Variants in FER observed in about 807,000 individuals in gnomAD.
FER encodes tyrosine-protein kinase Fer.
Under a neutral mutation model 111.0 loss-of-function variants are expected in FER, and 63 were observed. The observed-to-expected ratio is 0.57, with a 90% confidence interval of 0.46 to 0.70. The LOEUF (loss-of-function observed/expected upper bound fraction) is 0.70. Ranked by LOEUF, FER falls within the 30% of genes least tolerant of loss-of-function variation. The pLI is 0.00. For missense variants in FER, 914 were observed against 954.0 expected (o/e 0.96, Z 0.55); for synonymous variants, 327 against 313.9 (o/e 1.04, Z -0.44).
chr5:109,028,225 C>T (rs1302624902), intron 13 of FER, among the ~76,000 whole-genome samples: 1 of 151,910 alleles, frequency 6.6e-6, no homozygotes, highest in East Asian at 1.9e-4. Context: ...CATTTTTTGG[C>T]ACAAAAACTG....
At chr5:109,104,718 C>T (rs1402385031) in intron 17 of FER, among the ~76,000 whole-genome samples, 1 of 152,110 alleles carries the variant, frequency 6.6e-6, no homozygotes, top group East Asian at 1.9e-4. Flanking sequence ...TGTATAATCT[C>T]ATGAAAATGT....
At chr5:109,063,311 A>C (rs1241864131) in intron 16 of FER, among the ~76,000 whole-genome samples, 1 of 152,192 alleles carries the variant, frequency 6.6e-6, no homozygotes, top group African/African-American at 2.4e-5. Context: ...TTTAACAGTC[A>C]GTTTCAGTTA....
chr5:108,954,634 C>A, intron 11 of FER, 95 bp from the exon 12 acceptor site: 1 of 929,378 alleles, frequency 1.1e-6, no homozygotes. Context: ...AAGGGAGGAA[C>A]ATTTGTAAGA....
At chr5:108,993,646 C>A (rs537796253) in intron 13 of FER, among the ~76,000 whole-genome samples, 19 of 129,654 alleles carry the variant, frequency 1.5e-4, no homozygotes, top group South Asian at 5.6e-4. Context: ...AGGGCGAGGG[C>A]GAGGGCGAGG....
At chr5:108,794,526 A>ACCCCCCCCC (rs138716410) in intron 2 of FER, among the ~76,000 whole-genome samples, 70 of 106,358 alleles carry the variant, frequency 6.6e-4, no homozygotes, top group African/African-American at 7.5e-4. Flanking sequence ...CCCCCTCCGC[A>ACCCCCCCCC]CCCCCCCCCC....
At chr5:108,835,316 G>C (rs1001892559) in intron 4 of FER, among the ~76,000 whole-genome samples, 3 of 150,974 alleles carry the variant, frequency 2.0e-5, no homozygotes, top group Non-Finnish European at 4.4e-5. Flanking sequence ...CGAGTAGCTG[G>C]GATTATAGGC....
In FER at chr5:109,008,726, A is replaced by T. The variant is rs546069062; in HGVS notation, c.1657-28696A>T. On this transcript the variant is annotated intron_variant, in intron 13 of 19. Coordinates refer to ENST00000281092, the MANE Select transcript of FER (RefSeq NM_005246.4). ...CCGGGCACAGTGGCTCACGCCTGTAATCCCAGCCTTTTGGGAGGCCGAGGC... is the reference window on the plus strand; with the variant it reads ...CCGGGCACAGTGGCTCACGCCTGTATTCCCAGCCTTTTGGGAGGCCGAGGC... Among the ~76,000 whole-genome samples, 3 of 152,284 alleles carry T rather than the reference A, an allele frequency of 2.0e-5. No homozygotes were observed. The East Asian group carries it at 5.8e-4, about 29-fold the overall frequency.
intron 16 of FER, among the ~76,000 whole-genome samples, chr5:109,059,652 A>G (rs1447422327): frequency 4.6e-5 from 7 of 152,344 alleles, no homozygotes; most frequent in Admixed American, 6.5e-5. Flanking sequence ...GAAAGGCAGT[A>G]GAGGTTAGTG....
intron 17 of FER, among the ~76,000 whole-genome samples, chr5:109,122,923 T>C (rs1483185782): frequency 6.6e-6 from 1 of 152,190 alleles, no homozygotes; most frequent in Non-Finnish European, 1.5e-5. Context: ...GGAATATCTT[T>C]TTTCATCCTT....
At chr5:109,114,637 T>G (rs1750016294) in intron 17 of FER, among the ~76,000 whole-genome samples, 1 of 152,128 alleles carries the variant, frequency 6.6e-6, no homozygotes, top group Non-Finnish European at 1.5e-5. Flanking sequence ...CTGAAAGAAG[T>G]TACAGAAAAT....
intron 9 of FER, among the ~76,000 whole-genome samples, chr5:108,888,705 C>T (rs945879557): frequency 1.3e-5 from 2 of 151,766 alleles, no homozygotes; most frequent in Non-Finnish European, 2.9e-5. Flanking sequence ...TAGTATTTTA[C>T]ATAGTGAGAC....
chr5:108,966,786 G>C (rs1328885495), intron 13 of FER, among the ~76,000 whole-genome samples: 1 of 152,054 alleles, frequency 6.6e-6, no homozygotes, highest in Non-Finnish European at 1.5e-5. Context: ...TTTCTGATAT[G>C]AACATGGATG....
chr5:109,007,828 C>T (rs1019242163), intron 13 of FER, among the ~76,000 whole-genome samples: 1 of 152,164 alleles, frequency 6.6e-6, no homozygotes, highest in African/African-American at 2.4e-5. Flanking sequence ...TTATAAGAAA[C>T]TGCCAAATTA....
At chr5:108,975,086 G>A (rs1761157785) in intron 13 of FER, among the ~76,000 whole-genome samples, 1 of 152,136 alleles carries the variant, frequency 6.6e-6, no homozygotes, top group Non-Finnish European at 1.5e-5. Flanking sequence ...AAAAGAATAA[G>A]TTCATGTCAT....
In FER at chr5:108,820,021, T is replaced by C. The variant is rs1758682733; in HGVS notation, c.208-12749T>C. The C allele has an allele frequency of 4.1e-6, 4 of 985,176 alleles. No homozygotes were observed. The South Asian group carries it at 1.9e-4, about 46-fold the overall frequency. 61.0% of individuals were successfully genotyped at this position (985,176 alleles called of 1,614,324 possible). ...GGAAATAGAAAATAACAGAACGGCT[T>C]GTCTAGGACATGGAAAGGGAATGGG... On this transcript the variant is annotated intron_variant, in intron 3 of 19. Transcript: ENST00000281092.
intron 13 of FER, among the ~76,000 whole-genome samples, chr5:108,962,727 A>G (rs73211528): frequency 0.14 from 21,517 of 152,174 alleles, 1,970 homozygotes; most frequent in African/African-American, 0.26. Flanking sequence ...CCTATAAAAT[A>G]TTAATAAGAA....
At chr5:109,006,660 A>G (rs1384022316) in intron 13 of FER, among the ~76,000 whole-genome samples, 1 of 152,178 alleles carries the variant, frequency 6.6e-6, no homozygotes, top group Non-Finnish European at 1.5e-5. Flanking sequence ...TTTTGTTTTT[A>G]AAACTATAAC....
chr5:109,024,365 A>G (rs1768363190), intron 13 of FER, among the ~76,000 whole-genome samples: 1 of 152,170 alleles, frequency 6.6e-6, no homozygotes, highest in Admixed American at 6.6e-5. Context: ...CACTCCTTGC[A>G]TATCTCTTCT....
chr5:108,832,052 G>C (rs1461676172), intron 3 of FER, among the ~76,000 whole-genome samples: 1 of 151,978 alleles, frequency 6.6e-6, no homozygotes, highest in Non-Finnish European at 1.5e-5. Context: ...TATGCCCACT[G>C]ATCCCAAACC....
Sources: gnomAD v4.1 joint callset for allele counts (sites outside exome capture counted in the v4.1 genomes callset) on GRCh38, gnomAD v4.1.1 for gene constraint, MANE v1.5 for transcripts, NCBI Gene and HGNC (gene_info 2026-07-23, HGNC 2026-07-21) for gene names.